The following IL17B variants were observed in gnomAD, a reference collection of about 807,000 sequenced individuals.
The protein encoded by IL17B is interleukin 17B.
In IL17B, 14 loss-of-function variants were observed where a neutral mutation model predicts 14.7. The ratio of observed to expected loss-of-function variants is 0.95; its 90% CI spans 0.63 to 1.49. IL17B has a LOEUF of 1.49. Among genes scored for constraint, IL17B ranks in the 40% most tolerant of loss-of-function variants. IL17B has a pLI of 0.00. For missense variants in IL17B, 233 were observed against 252.8 expected (o/e 0.92, Z 0.53); for synonymous variants, 105 against 94.8 (o/e 1.11, Z -0.62).
intron 1 of IL17B, among the ~76,000 whole-genome samples, chr5:149,378,689 C>G (rs962233951): frequency 2.0e-5 from 3 of 152,260 alleles, no homozygotes; most frequent in African/African-American, 7.2e-5. Context: ...AACAGAGATT[C>G]AAGTGCTAAA....
chr5:149,391,202 G>A (rs1395747162), intron 1 of IL17B, among the ~76,000 whole-genome samples: 1 of 152,202 alleles, frequency 6.6e-6, no homozygotes, highest in Non-Finnish European at 1.5e-5. Context: ...CTGACCTCAG[G>A]TGATCTGCTC....
chr5:149,395,810 C>T (rs972796618), intron 1 of IL17B, among the ~76,000 whole-genome samples: 21 of 152,228 alleles, frequency 1.4e-4, no homozygotes, highest in African/African-American at 4.8e-4. Flanking sequence ...GTAGCTGGGA[C>T]GACAGGTACA....
At chr5:149,381,966 A>G (rs554452924), upstream of IL17B, among the ~76,000 whole-genome samples, 8 of 152,348 alleles carry the variant, frequency 5.3e-5, no homozygotes, top group Middle Eastern at 6.8e-3. Context: ...GACTGGGCAG[A>G]TGAGCTACAG....
At chr5:149,390,641 A>AC (rs1561716057) in intron 1 of IL17B, among the ~76,000 whole-genome samples, 1 of 149,642 alleles carries the variant, frequency 6.7e-6, no homozygotes, top group African/African-American at 2.5e-5. Flanking sequence ...AGAGATACAC[A>AC]AGGCCCTCCA....
In IL17B at chr5:149,378,536, G is replaced by A. The variant is rs575725693; in HGVS notation, c.21+669C>T. 2.0e-5 allele frequency among the ~76,000 whole-genome samples: 3 copies of A among 152,288 alleles called. No individual in the cohort carries two copies. The East Asian group carries it at 5.8e-4, about 29-fold the overall frequency. On this transcript the variant is annotated intron_variant, in intron 1 of 2. Coordinates refer to ENST00000261796, the MANE Select transcript of IL17B (RefSeq NM_014443.3). ...TCTTAAATTGAGATAGGCTCCATAT[G>A]TTCCCTGTATGCCTCACCTCACAGC...
intron 1 of IL17B, among the ~76,000 whole-genome samples, chr5:149,388,686 T>A (rs1022599379): frequency 1.3e-5 from 2 of 152,156 alleles, no homozygotes; most frequent in African/African-American, 4.8e-5. Flanking sequence ...AGCAAAAGTG[T>A]CCTTATCCCT....
intron 1 of IL17B, among the ~76,000 whole-genome samples, chr5:149,390,765 C>A (rs1251126602): frequency 4.0e-5 from 6 of 151,846 alleles, no homozygotes; most frequent in Non-Finnish European, 5.9e-5. Flanking sequence ...TTACCTCTGT[C>A]TTTTCTCATT....
At chr5:149,402,311 C>T (rs1759221133) in intron 1 of IL17B, among the ~76,000 whole-genome samples, 1 of 152,300 alleles carries the variant, frequency 6.6e-6, no homozygotes, top group South Asian at 2.1e-4. Flanking sequence ...AGAAGGGCTC[C>T]AAGCCAACCA....
Position 149,376,817 on chromosome 5 carries a change from G to A in IL17B, c.230C>T (p.Ser77Leu), listed in dbSNP as rs138372270. The A allele has an allele frequency of 1.9e-6, 3 of 1,613,882 alleles. No homozygotes were observed. In the African/African-American group the frequency reaches 4.0e-5, roughly 22 times the overall value. ...CTCACACTTTCTCTGGGCCAGCTCT[G>A]AGCTGTTCCTCAGCTGGGCCACCAT... is the stretch of plus-strand genomic sequence containing the variant. Reference protein sequence around the residue: ...EEMVAQLRNSSELAQRKCEVN... With the variant: ...EEMVAQLRNSLELAQRKCEVN... Residue 77 changes from serine (S) to leucine (L), a missense_variant, in exon 2 of 3, where the codon TCA becomes TTA. Physicochemically the swap from Ser to Leu is moderately radical, Grantham distance 145 (BLOSUM62 -2). Coordinates refer to ENST00000261796, the MANE Select transcript of IL17B (RefSeq NM_014443.3).
intron 1 of IL17B, among the ~76,000 whole-genome samples, chr5:149,397,082 G>C (rs1310154443): frequency 6.6e-6 from 1 of 152,196 alleles, no homozygotes; most frequent in Non-Finnish European, 1.5e-5. Flanking sequence ...CATTCTGCAA[G>C]TATATGTTGT....
chr5:149,382,229 A>T (rs1253057780), upstream of IL17B, among the ~76,000 whole-genome samples: 1 of 152,114 alleles, frequency 6.6e-6, no homozygotes, highest in Non-Finnish European at 1.5e-5. Flanking sequence ...CCTATTGTTG[A>T]TGAGGACCAG....
intron 1 of IL17B, among the ~76,000 whole-genome samples, chr5:149,403,030 A>G (rs899409705): frequency 2.0e-5 from 3 of 150,324 alleles, no homozygotes; most frequent in Middle Eastern, 3.4e-3. Context: ...AAAAAACTCA[A>G]TAGCAAGTTG....
chr5:149,401,702 C>A (rs2127623597), intron 1 of IL17B, among the ~76,000 whole-genome samples: 1 of 152,208 alleles, frequency 6.6e-6, no homozygotes, highest in East Asian at 1.9e-4. Context: ...TTACAGTGAG[C>A]CAAGATTGCA....
At chr5:149,384,939 C>T (rs1379921383) in intron 1 of IL17B, among the ~76,000 whole-genome samples, 4 of 146,500 alleles carry the variant, frequency 2.7e-5, no homozygotes, top group Admixed American at 6.8e-5. Context: ...GATGGAGTCT[C>T]GCTCTGTAGC....
chr5:149,393,011 ATGTCTGCGTGTG>A (rs1210881588), intron 1 of IL17B, among the ~76,000 whole-genome samples: 2 of 145,898 alleles, frequency 1.4e-5, no homozygotes, highest in Non-Finnish European at 1.5e-5. Flanking sequence ...GCGTGTGTGC[ATGTCTGCGTGTG>A]TGTGGGCGTG....
rs1485704360 is a variant in IL17B at position 149,376,798 on chromosome 5, C to T, written c.249G>A (p.Lys83=). 1 of 1,614,004 alleles carries T rather than the reference C, an allele frequency of 6.2e-7. No homozygotes were observed. The highest frequency in any genetic ancestry group is 8.5e-7 in the Non-Finnish European group (1 of 1,179,960). ...LRNSSELAQR[K]CEVNLQLWMS... ...TCCACAGCTGCAAGTTGACCTCACA[C>T]TTTCTCTGGGCCAGCTCTGAGCTGT... is the stretch of plus-strand genomic sequence containing the variant. The change falls in exon 2 of 3, where the codon AAG becomes AAA. Residue 83 remains lysine, a synonymous_variant. Coordinates refer to ENST00000261796, the MANE Select transcript of IL17B (RefSeq NM_014443.3).
At chr5:149,391,290 G>T (rs1464207581) in intron 1 of IL17B, among the ~76,000 whole-genome samples, 1 of 152,134 alleles carries the variant, frequency 6.6e-6, no homozygotes, top group Admixed American at 6.6e-5. Flanking sequence ...TGAACACAAA[G>T]CCTCTTAACT....
At position 149,376,754 on chromosome 5, in the gene IL17B, A is replaced by G; in HGVS notation, c.293T>C (p.Leu98Pro). ...LQLWMSNKRS[L>P]SPWGYSINHD... ...AGCCTACCTGTAGCCCCAGGGAGACAGGCTCCTCTTGTTGGACATCCACAG... is the reference window on the plus strand; with the variant it reads ...AGCCTACCTGTAGCCCCAGGGAGACGGGCTCCTCTTGTTGGACATCCACAG... The change falls in exon 2 of 3, where the codon CTG (leucine) becomes CCG (proline). Residue 98 changes from leucine (L) to proline (P), a missense_variant. Transcript: ENST00000261796. 1 of 1,610,172 alleles carries G rather than the reference A, an allele frequency of 6.2e-7. No homozygotes were observed. Among genetic ancestry groups the G allele is most frequent in the Non-Finnish European group, 8.5e-7 (1 of 1,177,876 alleles).
At chr5:149,393,154 C>T (rs1759021251) in intron 1 of IL17B, among the ~76,000 whole-genome samples, 1 of 152,120 alleles carries the variant, frequency 6.6e-6, no homozygotes, top group African/African-American at 2.4e-5. Context: ...GCCCAATCAC[C>T]CACCCAATGT....
Sources: gnomAD v4.1 joint callset for allele counts (sites outside exome capture counted in the v4.1 genomes callset) on GRCh38, gnomAD v4.1.1 for gene constraint, MANE v1.5 for transcripts, NCBI Gene and HGNC (gene_info 2026-07-23, HGNC 2026-07-21) for gene names.